The following BMP1 variants were observed in gnomAD, a reference collection of about 807,000 sequenced individuals.
The protein encoded by BMP1 is bone morphogenetic protein 1.
In BMP1, 63 loss-of-function variants were observed where a neutral mutation model predicts 116.8. The ratio of observed to expected loss-of-function variants is 0.54; its 90% CI spans 0.44 to 0.67. The LOEUF (loss-of-function observed/expected upper bound fraction) is 0.67. BMP1 is among the 30% of genes least tolerant of loss of function. The probability of loss-of-function intolerance (pLI) is 0.00; values close to 1 mark genes in which losing one functional copy is unlikely to be tolerated. For synonymous variants in BMP1, 536 were observed against 533.4 expected (o/e 1.00, Z -0.07); for missense variants, 1,183 against 1,358.9 (o/e 0.87, Z 2.04).
At chr8:22,201,000 C>T in intron 15 of BMP1, 1 of 364,748 alleles carries the variant, frequency 2.7e-6, no homozygotes, top group Non-Finnish European at 5.3e-6. Flanking sequence ...CCCGCCCCAC[C>T]CTGCCCCTCA....
At position 22,196,750 on chromosome 8, in the gene BMP1, C is replaced by G; in HGVS notation, c.1836C>G (p.Pro612=). The part of the protein sequence containing the change: ...ITSPGWPKEY[P]PNKNCIWQLV... ...GCCCGGGCTGGCCCAAGGAGTACCC[C>G]CCCAACAAGAACTGCATCTGGCAGC... Residue 612 remains proline, a synonymous_variant, in exon 14 of 20, where the codon CCC becomes CCG. Coordinates refer to ENST00000306385, the MANE Select transcript of BMP1 (RefSeq NM_006129.5). 1.9e-6 allele frequency: 3 copies of G among 1,614,074 alleles called. No individual in the cohort carries two copies. Among genetic ancestry groups the G allele is most frequent in the Non-Finnish European group, 1.7e-6 (2 of 1,180,010 alleles).
At chr8:22,168,533 C>A (rs944535638) in intron 1 of BMP1, among the ~76,000 whole-genome samples, 2 of 152,192 alleles carry the variant, frequency 1.3e-5, no homozygotes, top group African/African-American at 4.8e-5. Flanking sequence ...GAGGCCCCTG[C>A]TACCACCTCA....
chr8:22,194,075 A>G lies in BMP1; in HGVS notation c.1198A>G (p.Lys400Glu). 6.2e-7 allele frequency: 1 copy of G among 1,614,196 alleles called. No homozygotes were observed. The highest frequency in any genetic ancestry group is 8.5e-7 in the Non-Finnish European group (1 of 1,180,038). Residue 400 changes from lysine (K) to glutamate (E), a missense_variant, in exon 10 of 20, where the codon AAA (lysine) becomes GAA (glutamate). This residue lies in a region of BMP1 where 956 missense variants were observed against 1,135.2 expected (regional missense o/e 0.84). Coordinates refer to ENST00000306385, the MANE Select transcript of BMP1 (RefSeq NM_006129.5). This position sits in a 1 kb window ranked among gnomAD's most constrained non-coding sequence, Gnocchi z 4.5. Reference protein sequence around the residue: ...APLRGRFCGSKLPEPIVSTDS... With the variant: ...APLRGRFCGSELPEPIVSTDS... ...CTGTGCAGGCCGCTTCTGCGGGTCC[A>G]AACTCCCTGAGCCTATCGTCTCCAC...
chr8:22,208,919 G>C (rs1243626152), intron 18 of BMP1, among the ~76,000 whole-genome samples: 1 of 152,224 alleles, frequency 6.6e-6, no homozygotes, highest in African/African-American at 2.4e-5. Context: ...GTGGCCCCAT[G>C]CACTGTCCTC....
chr8:22,168,135 G>T (rs140892603), intron 1 of BMP1, among the ~76,000 whole-genome samples: 1 of 152,230 alleles, frequency 6.6e-6, no homozygotes, highest in African/African-American at 2.4e-5. Flanking sequence ...TGTAGTGAGG[G>T]CAAAATTAAT....
intron 1 of BMP1, chr8:22,171,746 G>A (rs773225507): frequency 9.2e-5 from 14 of 152,166 alleles, no homozygotes; most frequent in Non-Finnish European, 2.1e-4. Context: ...TGGGACCTCA[G>A]TTTCCTCATC....
At chr8:22,167,930 G>T (rs1312304416) in intron 1 of BMP1, among the ~76,000 whole-genome samples, 2 of 152,106 alleles carry the variant, frequency 1.3e-5, no homozygotes, top group Non-Finnish European at 2.9e-5. Context: ...GCCTGGCTTT[G>T]CTTCCTGTAT....
At chr8:22,192,799 G>A (rs1828972433) in intron 9 of BMP1, among the ~76,000 whole-genome samples, 1 of 152,104 alleles carries the variant, frequency 6.6e-6, no homozygotes, top group Non-Finnish European at 1.5e-5. Context: ...ATCCTAGAGG[G>A]TATTGCAGCA....
intron 1 of BMP1, among the ~76,000 whole-genome samples, chr8:22,167,752 CTTGGGTCAGAT>C (rs1828158924): frequency 1.3e-5 from 2 of 152,180 alleles, no homozygotes; most frequent in Non-Finnish European, 2.9e-5. Flanking sequence ...AAGGCCAGGC[CTTGGGTCAGAT>C]CAGGCCTCCC....
At chr8:22,186,240 T>C (rs1034666976) in intron 8 of BMP1, among the ~76,000 whole-genome samples, 1 of 152,216 alleles carries the variant, frequency 6.6e-6, no homozygotes, top group African/African-American at 2.4e-5. Context: ...CCTAAGTTCC[T>C]GCTTCTTGAA....
At chr8:22,177,453 T>C (rs1828479870) in intron 5 of BMP1, 2 of 685,774 alleles carry the variant, frequency 2.9e-6, no homozygotes, top group Non-Finnish European at 5.3e-6. Context: ...GCTCAGGCCT[T>C]TCTCCCCACC....
In BMP1 at chr8:22,206,882, C is replaced by A. The variant is rs560341393; in HGVS notation, c.2262C>A (p.Thr754=). The A allele has an allele frequency of 6.2e-7, 1 of 1,614,182 alleles. No individual in the cohort carries two copies. The highest frequency in any genetic ancestry group is 2.2e-5 in the East Asian group (1 of 44,886). The change falls in exon 17 of 20, where the codon ACC becomes ACA. Residue 754 remains threonine (T), a synonymous_variant. Coordinates refer to ENST00000306385, the MANE Select transcript of BMP1 (RefSeq NM_006129.5). ...GCTGTGACCACAAGGTGACATCCAC[C>A]AGTGGTACCATCACCAGCCCCAACT... The part of the protein sequence containing the change: ...EAGCDHKVTS[T]SGTITSPNWP...
chr8:22,210,761 C>T (rs1213421688), intron 19 of BMP1, among the ~76,000 whole-genome samples: 2 of 152,232 alleles, frequency 1.3e-5, no homozygotes, highest in Non-Finnish European at 2.9e-5. Context: ...CTAGTGTCCC[C>T]TCCCCTCTTT....
chr8:22,194,356 G>C lies in BMP1; in HGVS notation c.1298-89G>C. Reference sequence around the variant, plus strand: ...AACTGAAAAGCTGGGGGACATGGGAGGGACTGGAGGAGTGGGGAAAAGAGC... The same window carrying C: ...AACTGAAAAGCTGGGGGACATGGGACGGACTGGAGGAGTGGGGAAAAGAGC... On this transcript the variant is annotated intron_variant, in intron 10 of 19. Transcript: ENST00000306385. This position sits in a 1 kb window ranked among gnomAD's most constrained non-coding sequence, Gnocchi z 4.5. 2.6e-6 allele frequency: 4 copies of C among 1,542,056 alleles called. No homozygotes were observed. In the Admixed American group the frequency reaches 7.1e-5, roughly 27 times the overall value.
rs1477018482 is a variant in BMP1 at position 22,209,688 on chromosome 8, G to T, written c.2819G>T (p.Gly940Val). Reference protein sequence around the residue: ...STAPRLGRYCGSGPPEEVYSA... With the variant: ...STAPRLGRYCVSGPPEEVYSA... ...GCCCCCAGGCTGGGGCGCTACTGTGGCTCAGGGGTGAGGCCCCCACCCCTC... is the reference window on the plus strand; with the variant it reads ...GCCCCCAGGCTGGGGCGCTACTGTGTCTCAGGGGTGAGGCCCCCACCCCTC... The change falls in exon 19 of 20, where the codon GGC becomes GTC. Residue 940 changes from glycine (G) to valine (V), a missense_variant. Gly to Val is a moderately radical substitution (Grantham distance 109). Coordinates refer to ENST00000306385, the MANE Select transcript of BMP1 (RefSeq NM_006129.5). The T allele has an allele frequency of 1.2e-6, 2 of 1,613,424 alleles. No homozygotes were observed. Among genetic ancestry groups the T allele is most frequent in the African/African-American group, 2.7e-5 (2 of 74,882 alleles).
chr8:22,199,234 G>A (rs763190445), intron 15 of BMP1: 2 of 1,367,454 alleles, frequency 1.5e-6, no homozygotes, highest in African/African-American at 3.0e-5. Flanking sequence ...CAGCCCTCAG[G>A]GCCCGGGGCA....
rs2131878477 is a variant in BMP1, at chr8:22,192,051, C to T, written c.1080C>T (p.Ile360=). 6.2e-7 allele frequency: 1 copy of T among 1,613,074 alleles called. No homozygotes were observed. The highest frequency in any genetic ancestry group is 1.7e-4 in the Middle Eastern group (1 of 6,014). Residue 360 remains isoleucine (I), a splice_region_variant and synonymous_variant, in exon 9 of 20, where the codon ATC becomes ATT. Coordinates refer to ENST00000306385, the MANE Select transcript of BMP1 (RefSeq NM_006129.5). ...WRISVTPGEK[I]ILNFTSLDLY... ...CTCTTCCTCCCCTGTTGCCCTAGAT[C>T]ATCCTGAACTTCACGTCCCTGGACC...
At chr8:22,171,952 AT>A (rs1373309304) in intron 1 of BMP1, among the ~76,000 whole-genome samples, 1 of 152,132 alleles carries the variant, frequency 6.6e-6, no homozygotes, top group Non-Finnish European at 1.5e-5. Flanking sequence ...ATGCGCAAGG[AT>A]GTGTGTCCCT....
chr8:22,207,170 C>A, intron 17 of BMP1, 133 bp from the exon 18 acceptor site: 4 of 1,316,796 alleles, frequency 3.0e-6, no homozygotes, highest in Admixed American at 2.1e-5. Flanking sequence ...TATTCCTGGG[C>A]CCTCCTTCAC....
Sources: gnomAD v4.1 joint callset for allele counts (sites outside exome capture counted in the v4.1 genomes callset) on GRCh38, gnomAD v4.1.1 for gene constraint, gnomAD v4.1.1 regional missense constraint, Gnocchi (gnomAD v3.1) non-coding constraint, MANE v1.5 for transcripts, NCBI Gene and HGNC (gene_info 2026-07-23, HGNC 2026-07-21) for gene names.